The following PIEZO2 variants were observed in gnomAD, a reference collection of about 807,000 sequenced individuals.
PIEZO2 encodes piezo-type mechanosensitive ion channel component 2.
Under a neutral mutation model 337.3 loss-of-function variants are expected in PIEZO2, and 172 were observed. The ratio of observed to expected loss-of-function variants is 0.51; its 90% CI spans 0.45 to 0.58. The LOEUF is 0.58. PIEZO2 is among the 20% of genes least tolerant of loss of function. PIEZO2 has a pLI of 0.00. For synonymous variants in PIEZO2, 1,251 were observed against 1,228.5 expected, an observed-to-expected ratio of 1.02 and a Z score of -0.38; for missense variants, 3,028 against 3,391.3, an observed-to-expected ratio of 0.89 and a Z score of 2.66.
At position 10,855,307 on chromosome 18, in the gene PIEZO2, G is replaced by T; in HGVS notation, c.917+46C>A. 4 of 1,463,360 alleles carry T rather than the reference G, an allele frequency of 2.7e-6. No individual in the cohort carries two copies. The South Asian group carries it at 3.7e-5, about 13-fold the overall frequency. 90.6% of individuals were successfully genotyped at this position (1,463,360 alleles called of 1,614,324 possible). On this transcript the variant is annotated intron_variant, in intron 7 of 55. Coordinates refer to ENST00000674853, the MANE Select transcript of PIEZO2 (RefSeq NM_001378183.1). The surrounding 1 kb of genome is among the most constrained non-coding windows in gnomAD (Gnocchi z 4.9). ...AATGCCAAACCAAGGTCCCAAAGGC[G>T]TGGGGGGACAACCTCTCCTGGAAAT...
intron 3 of PIEZO2, among the ~76,000 whole-genome samples, chr18:10,944,655 G>A (rs973228531): frequency 7.9e-5 from 12 of 151,086 alleles, no homozygotes; most frequent in Non-Finnish European, 1.8e-4. Flanking sequence ...CTAAAAAGGA[G>A]GAAAATTAGT....
At chr18:10,976,378 T>A (rs549567298) in intron 3 of PIEZO2, among the ~76,000 whole-genome samples, 39 of 152,368 alleles carry the variant, frequency 2.6e-4, no homozygotes, top group African/African-American at 8.4e-4. Context: ...TTATGATTTC[T>A]ATAAACCCAC....
intron 7 of PIEZO2, among the ~76,000 whole-genome samples, chr18:10,845,610 A>T (rs1348164020): frequency 6.6e-6 from 1 of 152,198 alleles, no homozygotes; most frequent in Non-Finnish European, 1.5e-5. Flanking sequence ...CTGTCTTACT[A>T]ATTTCTACCA....
chr18:10,728,980 A>AC (rs2036657149), intron 36 of PIEZO2, among the ~76,000 whole-genome samples: 1 of 143,458 alleles, frequency 7.0e-6, no homozygotes, highest in African/African-American at 2.6e-5. Context: ...AAAAACAAAA[A>AC]CCAATAAAGG....
chr18:10,722,572 G>C (rs1415080952), intron 36 of PIEZO2, among the ~76,000 whole-genome samples: 1 of 151,972 alleles, frequency 6.6e-6, no homozygotes, highest in Non-Finnish European at 1.5e-5. Context: ...GAAACTGCAA[G>C]GGGAAATTTA....
chr18:10,782,653 G>A lies in PIEZO2; in HGVS notation c.2492+2131C>T, dbSNP rs909371728. ...TTACTTGGAAAATTCACCGTTAAGG[G>A]AGTGCTTAGGGCTAAGCCACAGCTG... On this transcript the variant is annotated intron_variant, in intron 17 of 55. Transcript: ENST00000674853. Among the ~76,000 whole-genome samples the A allele has an allele frequency of 2.0e-5, 3 of 150,482 alleles. No individual in the cohort carries two copies. The Admixed American group carries it at 2.0e-4, about 10-fold the overall frequency.
At chr18:10,701,877 G>C in intron 43 of PIEZO2, 112 bp downstream of exon 43, 1 of 822,946 alleles carries the variant, frequency 1.2e-6, no homozygotes, top group Admixed American at 3.9e-5. Flanking sequence ...ACCACTCACT[G>C]GCCCCTCAGC....
At chr18:10,958,645 A>G (rs1356693030) in intron 3 of PIEZO2, among the ~76,000 whole-genome samples, 1 of 152,212 alleles carries the variant, frequency 6.6e-6, no homozygotes, top group African/African-American at 2.4e-5. Context: ...CTCATACCCC[A>G]TAAATATACA....
rs2039122807 is a variant in PIEZO2, at chr18:11,092,464, C to A, written c.65-26242G>T. Among the ~76,000 whole-genome samples, 1 of 152,152 alleles carries A rather than the reference C, an allele frequency of 6.6e-6. No homozygotes were observed. Among genetic ancestry groups the A allele is most frequent in the African/African-American group, 2.4e-5 (1 of 41,442 alleles). ...AAGAAGACATAACAGCAGTAATTAT[C>A]ACTCCATAGTTTAGAAACGATTTGT... is the stretch of plus-strand genomic sequence containing the variant. On this transcript the variant is annotated intron_variant, in intron 1 of 55. Coordinates refer to ENST00000674853, the MANE Select transcript of PIEZO2 (RefSeq NM_001378183.1). The surrounding 1 kb of genome is among the most constrained non-coding windows in gnomAD (Gnocchi z 4.5).
At position 10,762,913 on chromosome 18, in the gene PIEZO2, G is replaced by A. The variant is rs184076139; in HGVS notation, c.3123+9C>T. 9.8e-5 allele frequency: 150 copies of A among 1,535,734 alleles called. No homozygotes were observed. Among genetic ancestry groups the A allele is most frequent in the Non-Finnish European group, 9.9e-5 (113 of 1,146,126 alleles). ...CAGTCAGGAATATTCCCCCATCACCGAGGCTCACCAAGGAACAGTTAACAG... is the reference window on the plus strand; with the variant it reads ...CAGTCAGGAATATTCCCCCATCACCAAGGCTCACCAAGGAACAGTTAACAG... On this transcript the variant is annotated intron_variant, in intron 22 of 55. Coordinates refer to ENST00000674853, the MANE Select transcript of PIEZO2 (RefSeq NM_001378183.1).
chr18:11,118,314 T>C (rs2039942969), intron 1 of PIEZO2, among the ~76,000 whole-genome samples: 1 of 152,326 alleles, frequency 6.6e-6, no homozygotes, highest in South Asian at 2.1e-4. Context: ...GGTACAGGTG[T>C]TGTCCCAGAC....
chr18:10,770,743 C>T (rs1240964892), intron 20 of PIEZO2, among the ~76,000 whole-genome samples: 3 of 128,110 alleles, frequency 2.3e-5, no homozygotes, highest in Non-Finnish European at 4.8e-5. Flanking sequence ...CCCTTCCTTC[C>T]TTCCTTCCTT....
intron 4 of PIEZO2, among the ~76,000 whole-genome samples, chr18:10,876,243 C>T (rs1351501451): frequency 6.6e-6 from 1 of 152,166 alleles, no homozygotes; most frequent in Admixed American, 6.5e-5. Context: ...AGTCATTGGT[C>T]CAGTCAATGT....
At chr18:10,920,536 A>T (rs150261686) in intron 3 of PIEZO2, among the ~76,000 whole-genome samples, 60 of 152,318 alleles carry the variant, frequency 3.9e-4, no homozygotes, top group African/African-American at 1.3e-3. Flanking sequence ...GAGAAAACTC[A>T]GACACACAGC....
rs565515112 is a variant in PIEZO2, at chr18:10,993,595, C to T, written c.161-13935G>A. Among the ~76,000 whole-genome samples the T allele has an allele frequency of 1.3e-5, 2 of 152,072 alleles. No individual in the cohort carries two copies. Among genetic ancestry groups the T allele is most frequent in the African/African-American group, 2.4e-5 (1 of 41,408 alleles). On this transcript the variant is annotated intron_variant, in intron 2 of 55. Transcript: ENST00000674853. This position sits in a 1 kb window ranked among gnomAD's most constrained non-coding sequence, Gnocchi z 5.0. Reference sequence around the variant, plus strand: ...AGGCTGGAGTACAGTGGCACGATCTCGCCTCACTGCAACCTCCGCCTCCCG... The same window carrying T: ...AGGCTGGAGTACAGTGGCACGATCTTGCCTCACTGCAACCTCCGCCTCCCG...
At position 10,775,813 on chromosome 18, in the gene PIEZO2, A is replaced by C. The variant is rs1376788175; in HGVS notation, c.2535-1775T>G. Among the ~76,000 whole-genome samples, 3 of 152,164 alleles carry C rather than the reference A, an allele frequency of 2.0e-5. No homozygotes were observed. The highest frequency in any genetic ancestry group is 2.9e-5 in the Non-Finnish European group (2 of 68,044). On this transcript the variant is annotated intron_variant, in intron 18 of 55. Coordinates refer to ENST00000674853, the MANE Select transcript of PIEZO2 (RefSeq NM_001378183.1). This position sits in a 1 kb window ranked among gnomAD's most constrained non-coding sequence, Gnocchi z 4.3. ...GCAGCTGCGGACAAATGAGAAGGGC[A>C]TCTCTGCATCCAACACTGCTCATTC...
chr18:10,970,230 G>C (rs985387700), intron 3 of PIEZO2, among the ~76,000 whole-genome samples: 11 of 152,194 alleles, frequency 7.2e-5, no homozygotes, highest in African/African-American at 2.4e-5. Context: ...GGCAGAGTAC[G>C]TAAGGACATT....
At chr18:10,729,235 T>C (rs2036667605) in intron 36 of PIEZO2, among the ~76,000 whole-genome samples, 1 of 152,242 alleles carries the variant, frequency 6.6e-6, no homozygotes, top group African/African-American at 2.4e-5. Flanking sequence ...GAAGAGACTT[T>C]GTAATTAGAG....
intron 2 of PIEZO2, among the ~76,000 whole-genome samples, chr18:11,019,006 C>T (rs1051965522): frequency 3.3e-5 from 5 of 152,104 alleles, no homozygotes; most frequent in African/African-American, 1.2e-4. Flanking sequence ...AGGACGGAGC[C>T]TTGATTTTTT....
Sources: gnomAD v4.1 joint callset for allele counts (sites outside exome capture counted in the v4.1 genomes callset) on GRCh38, gnomAD v4.1.1 for gene constraint, Gnocchi (gnomAD v3.1) non-coding constraint, MANE v1.5 for transcripts, NCBI Gene and HGNC (gene_info 2026-07-23, HGNC 2026-07-21) for gene names.